OSBPL10: variants seen among roughly 807,000 people sequenced by gnomAD.
The protein encoded by OSBPL10 is oxysterol binding protein like 10.
In OSBPL10, 49 loss-of-function variants were observed where a neutral mutation model predicts 81.7. That is an observed-to-expected ratio of 0.60 (90% confidence interval 0.48 to 0.76). The LOEUF (loss-of-function observed/expected upper bound fraction) is 0.76. OSBPL10 is among the 30% of genes least tolerant of loss of function. The pLI is 0.00. For missense variants in OSBPL10, 923 were observed against 987.8 expected, an observed-to-expected ratio of 0.93 and a Z score of 0.88; for synonymous variants, 419 against 383.6, an observed-to-expected ratio of 1.09 and a Z score of -1.08.
intron 2 of OSBPL10, chr3:31,988,738 T>C (rs1575079053): frequency 3.3e-6 from 1 of 299,368 alleles, no homozygotes; most frequent in African/African-American, 2.1e-5. Flanking sequence ...GGCATGAAGG[T>C]GTGCCAGCCA....
At chr3:31,756,538 T>C (rs1697894946) in intron 4 of OSBPL10, among the ~76,000 whole-genome samples, 1 of 151,952 alleles carries the variant, frequency 6.6e-6, no homozygotes, top group African/African-American at 2.4e-5. Context: ...ACTCTTTTAA[T>C]TTATATCTAC....
At chr3:31,722,838 A>T (rs1246806558) in intron 6 of OSBPL10, among the ~76,000 whole-genome samples, 1 of 152,200 alleles carries the variant, frequency 6.6e-6, no homozygotes, top group Non-Finnish European at 1.5e-5. Flanking sequence ...CATTTGCTGT[A>T]AATAAAGATT....
At chr3:31,990,078 G>A in intron 2 of OSBPL10, 4 of 1,613,842 alleles carry the variant, frequency 2.5e-6, no homozygotes, top group Non-Finnish European at 3.4e-6. Context: ...AAAGACATAG[G>A]AGAATTCATA....
intron 8 of OSBPL10, among the ~76,000 whole-genome samples, chr3:31,671,806 C>T (rs1021509402): frequency 1.3e-5 from 2 of 152,254 alleles, no homozygotes; most frequent in South Asian, 4.1e-4. Flanking sequence ...CTCAAGACTA[C>T]CCCCAAAATA....
intron 2 of OSBPL10, among the ~76,000 whole-genome samples, chr3:32,009,292 T>G (rs544331851): frequency 3.9e-5 from 6 of 152,174 alleles, no homozygotes; most frequent in Non-Finnish European, 8.8e-5. Context: ...TAAGTCATAA[T>G]GGGGATAGGG....
chr3:31,705,372 A>ACCC (rs3840254), intron 6 of OSBPL10, among the ~76,000 whole-genome samples: 3 of 130,634 alleles, frequency 2.3e-5, no homozygotes, highest in African/African-American at 9.4e-5. Flanking sequence ...CAAAGAGAAG[A>ACCC]CCCCCCCCCC....
At chr3:32,057,457 G>T (rs755016285) in intron 1 of OSBPL10, among the ~76,000 whole-genome samples, 54 of 152,152 alleles carry the variant, frequency 3.5e-4, no homozygotes, top group Admixed American at 2.6e-4. Flanking sequence ...AAAGGAAAGA[G>T]GTTTAATTGA....
intron 4 of OSBPL10, among the ~76,000 whole-genome samples, chr3:31,789,056 G>A (rs1041088298): frequency 4.0e-5 from 6 of 151,758 alleles, no homozygotes; most frequent in African/African-American, 1.5e-4. Flanking sequence ...TTGGCTCACT[G>A]CAACCTCTGC....
chr3:31,936,776 T>C (rs1697389594), intron 1 of OSBPL10, among the ~76,000 whole-genome samples: 1 of 152,148 alleles, frequency 6.6e-6, no homozygotes, highest in African/African-American at 2.4e-5. Context: ...AAAAATGTGT[T>C]TAAATTCCCC....
At chr3:31,865,057 C>T (rs13065339) in intron 3 of OSBPL10, among the ~76,000 whole-genome samples, 45,085 of 151,860 alleles carry the variant, frequency 0.3, 7,001 homozygotes, top group African/African-American at 0.37. Context: ...GGACTCCCAA[C>T]AGAAAGGGAG....
intron 1 of OSBPL10, among the ~76,000 whole-genome samples, chr3:31,928,725 A>T (rs1215585034): frequency 2.7e-5 from 4 of 146,896 alleles, no homozygotes; most frequent in African/African-American, 1.0e-4. Context: ...GGTTGCCGCC[A>T]CTGCACTCCA....
At position 31,939,143 on chromosome 3, in the gene OSBPL10, CCT is replaced by C. The variant is rs1491181338; in HGVS notation, c.281+41754_281+41755del. Among the ~76,000 whole-genome samples the C allele has an allele frequency of 3.7e-3, 183 of 49,720 alleles. 11 individuals are homozygous for C. Among genetic ancestry groups the C allele is most frequent in the South Asian group, 0.012 (16 of 1,312 alleles). 32.6% of individuals were successfully genotyped at this position (49,720 alleles called of 152,430 possible). ...GTTTAATGTGCCAAGACTCTCTCAT[CCT>C]TTTTTTTTTTTTTTTTTGAGACAGA... On this transcript the variant is annotated intron_variant, in intron 1 of 11. Transcript: ENST00000396556.
intron 8 of OSBPL10, among the ~76,000 whole-genome samples, chr3:31,672,918 G>C (rs1206815328): frequency 6.6e-6 from 1 of 152,100 alleles, no homozygotes; most frequent in African/African-American, 2.4e-5. Flanking sequence ...TTCTCTGGCT[G>C]GGAACATAAT....
intron 4 of OSBPL10, among the ~76,000 whole-genome samples, chr3:31,768,688 T>A (rs146474589): frequency 8.4e-4 from 128 of 152,310 alleles, no homozygotes; most frequent in Middle Eastern, 3.4e-3. Context: ...CTTCCTAGGC[T>A]TCTGACTGTA....
In OSBPL10 at chr3:31,759,847, C is replaced by T. The variant is rs532047197; in HGVS notation, c.730-11727G>A. ...CGATCTCGGCTTACTGCAACCTCTG[C>T]CTCCTGGGTTCAAGTAATTCTCGTG... On this transcript the variant is annotated intron_variant, in intron 4 of 11. Transcript: ENST00000396556. Among the ~76,000 whole-genome samples, 9 of 152,222 alleles carry T rather than the reference C, an allele frequency of 5.9e-5. No homozygotes were observed. The East Asian group carries it at 1.7e-3, about 29-fold the overall frequency.
At chr3:31,816,104 T>A (rs1428269062) in intron 4 of OSBPL10, among the ~76,000 whole-genome samples, 1 of 151,744 alleles carries the variant, frequency 6.6e-6, no homozygotes, top group African/African-American at 2.4e-5. Context: ...TTGAAAGGTA[T>A]AAAGTCAGTC....
At chr3:32,017,405 T>A (rs1032886994) in intron 2 of OSBPL10, among the ~76,000 whole-genome samples, 2 of 152,202 alleles carry the variant, frequency 1.3e-5, no homozygotes, top group African/African-American at 4.8e-5. Flanking sequence ...ATTTTGAATC[T>A]TCAAACAGAA....
rs115178675 is a variant in OSBPL10, at chr3:31,914,245, C to G, written c.282-34415G>C. 8.6e-3 allele frequency among the ~76,000 whole-genome samples: 1,302 copies of G among 152,132 alleles called. 8 individuals carry two copies. The highest frequency in any genetic ancestry group is 0.014 in the Non-Finnish European group (945 of 67,980). ...CTCTTCCTTTCATTTTTAAGACGGTCCTAACCAAGATCAGTTATCTCCCTA... is the reference window on the plus strand; with the variant it reads ...CTCTTCCTTTCATTTTTAAGACGGTGCTAACCAAGATCAGTTATCTCCCTA... On this transcript the variant is annotated intron_variant, in intron 1 of 11. Transcript: ENST00000396556.
At chr3:31,790,107 T>C (rs1698973748) in intron 4 of OSBPL10, among the ~76,000 whole-genome samples, 2 of 152,318 alleles carry the variant, frequency 1.3e-5, no homozygotes, top group South Asian at 4.1e-4. Context: ...AGCAAAACAA[T>C]TACCAAAATA....
Sources: allele counts gnomAD v4.1 joint callset (sites outside exome capture counted in the v4.1 genomes callset), GRCh38; gene constraint gnomAD v4.1.1; transcripts MANE v1.5; gene names NCBI Gene and HGNC (gene_info 2026-07-23, HGNC 2026-07-21).